The following RAET1E variants were observed in gnomAD, a reference collection of about 807,000 sequenced individuals.
RAET1E encodes the protein NKG2D ligand 4.
RAET1E carries 27 observed loss-of-function variants against 21.1 expected under a neutral mutation model. The ratio of observed to expected loss-of-function variants is 1.28; its 90% confidence interval spans 0.94 to 1.76. RAET1E has a LOEUF of 1.76. Among genes scored for constraint, RAET1E ranks in the 40% most tolerant of loss-of-function variants. RAET1E has a pLI of 0.00. For missense variants in RAET1E, 310 were observed against 311.3 expected (o/e 1.00, Z 0.03); for synonymous variants, 113 against 115.0 (o/e 0.98, Z 0.11).
chr6:149,893,268 T>A (rs1400957505), intron 2 of RAET1E, among the ~76,000 whole-genome samples: 1 of 152,230 alleles, frequency 6.6e-6, no homozygotes, highest in African/African-American at 2.4e-5. Flanking sequence ...GGGGATAGCA[T>A]TGAATCTATA....
chr6:149,885,261 TG>T lies in RAET1E; in HGVS notation c.*3236del, dbSNP rs60644658. Among the ~76,000 whole-genome samples the T allele has an allele frequency of 0.44, 66,802 of 151,296 alleles. 15,359 individuals carry two copies. The highest frequency in any genetic ancestry group is 0.88 in the East Asian group (4,489 of 5,086). On this transcript the variant is annotated 3_prime_UTR_variant, in exon 6 of 6. Coordinates refer to ENST00000357183, the MANE Select transcript of RAET1E (RefSeq NM_001394057.1). ...TTAAAGCCCGACTTTGCCAAACCGC[TG>T]TGGATGCATTAATTTGGAAAGGTCC...
chr6:149,886,936 C>A lies in RAET1E; in HGVS notation c.*1562G>T, dbSNP rs60731777. On this transcript the variant is annotated 3_prime_UTR_variant, in exon 6 of 6. Transcript: ENST00000357183. ...CTTCCCCGTGACAGAGAAATCCATGCGACACAGTGGGGAGGCCCTCCCCAA... is the reference window on the plus strand; with the variant it reads ...CTTCCCCGTGACAGAGAAATCCATGAGACACAGTGGGGAGGCCCTCCCCAA... 0.02 allele frequency among the ~76,000 whole-genome samples: 3,017 copies of A among 152,274 alleles called. 121 individuals are homozygous for A. The highest frequency in any genetic ancestry group is 0.07 in the African/African-American group (2,900 of 41,528).
At chr6:149,897,743 T>G (rs1241246081) in intron 1 of RAET1E, among the ~76,000 whole-genome samples, 1 of 151,898 alleles carries the variant, frequency 6.6e-6, no homozygotes, top group Non-Finnish European at 1.5e-5. Context: ...TCCCCCAAAT[T>G]GGAGAGAGGG....
At position 149,888,626 on chromosome 6, in the gene RAET1E, TAGA is replaced by T. The variant is rs1428326561; in HGVS notation, c.661_663del (p.Ser222del). ...AGGATGATCCATCTATCTGGTAGACTAGAAGAAGACCAGTGGATATCTGAAGCA... is the reference window on the plus strand; with the variant it reads ...AGGATGATCCATCTATCTGGTAGACTAGAAGACCAGTGGATATCTGAAGCA... On this transcript the variant is annotated inframe_deletion, in exon 6 of 6. Transcript: ENST00000357183. 3.1e-6 allele frequency: 5 copies of T among 1,588,986 alleles called. No homozygotes were observed. The South Asian group carries it at 4.4e-5, about 14-fold the overall frequency.
chr6:149,895,659 A>G (rs1778088097), intron 2 of RAET1E, 187 bp downstream of exon 2: 1 of 152,202 alleles, frequency 6.6e-6, no homozygotes, highest in South Asian at 2.1e-4. Flanking sequence ...TTTTCTTAGA[A>G]CAAAATTTTG....
rs2115477672 is a variant in RAET1E at position 149,884,593 on chromosome 6, C to A, written c.*3905G>T. Reference sequence around the variant, plus strand: ...GTGATCTCTCAGGACTCAGATCCCACCTCTCTCTCAGGGAGAGATCAGCCG... The same window carrying A: ...GTGATCTCTCAGGACTCAGATCCCAACTCTCTCTCAGGGAGAGATCAGCCG... On this transcript the variant is annotated 3_prime_UTR_variant, in exon 6 of 6. Transcript: ENST00000357183. 1 of 1,156,008 alleles carries A rather than the reference C, an allele frequency of 8.7e-7. No individual in the cohort carries two copies. The highest frequency in any genetic ancestry group is 1.5e-5 in the African/African-American group (1 of 65,626). 71.6% of individuals were successfully genotyped at this position (1,156,008 alleles called of 1,614,324 possible).
In RAET1E at chr6:149,885,947, C is replaced by T. The variant is rs888069745; in HGVS notation, c.*2551G>A. 1.3e-5 allele frequency among the ~76,000 whole-genome samples: 2 copies of T among 152,140 alleles called. No homozygotes were observed. Among genetic ancestry groups the T allele is most frequent in the African/African-American group, 4.8e-5 (2 of 41,422 alleles). On this transcript the variant is annotated 3_prime_UTR_variant, in exon 6 of 6. Coordinates refer to ENST00000357183, the MANE Select transcript of RAET1E (RefSeq NM_001394057.1). ...TTCTGTGGTCAGAGTTTCTGAGCTA[C>T]GAGTGGGGGTAGTTAATTCTATCCA...
intron 2 of RAET1E, among the ~76,000 whole-genome samples, chr6:149,891,359 C>T (rs1170877120): frequency 6.6e-6 from 1 of 152,154 alleles, no homozygotes; most frequent in African/African-American, 2.4e-5. Context: ...CCCTCTCCCA[C>T]TGTCCCTAAC....
rs1554262574 is a variant in RAET1E, at chr6:149,883,700, A to AAACAAACAAACAAACAAAC, written c.*4797_*4798insGTTTGTTTGTTTGTTTGTT. On this transcript the variant is annotated 3_prime_UTR_variant, in exon 6 of 6. Transcript: ENST00000357183. ...AGATAGAGTGAGACTCTGTCTCAAA[A>AAACAAACAAACAAACAAAC]AAACAAACAAACAAACAAAGAATTA... 3.2e-5 allele frequency: 5 copies of AAACAAACAAACAAACAAAC among 156,298 alleles called. No homozygotes were observed. Among genetic ancestry groups the AAACAAACAAACAAACAAAC allele is most frequent in the African/African-American group, 1.2e-4 (5 of 41,608 alleles). 9.7% of individuals were successfully genotyped at this position (156,298 alleles called of 1,614,324 possible).
chr6:149,884,597 T>C lies in RAET1E; in HGVS notation c.*3901A>G, dbSNP rs1465738156. The C allele has an allele frequency of 9.1e-7, 1 of 1,099,602 alleles. No individual in the cohort carries two copies. The highest frequency in any genetic ancestry group is 1.6e-5 in the African/African-American group (1 of 64,484). The allele number at this position is 1,099,602 out of a possible 1,614,324, so 68.1% of individuals were successfully genotyped here. A position where few individuals can be genotyped will look rare whatever the true frequency, so the allele number is the denominator to read the frequency against. ...TCTCTCAGGACTCAGATCCCACCTC[T>C]CTCTCAGGGAGAGATCAGCCGCTAT... On this transcript the variant is annotated 3_prime_UTR_variant, in exon 6 of 6. Coordinates refer to ENST00000357183, the MANE Select transcript of RAET1E (RefSeq NM_001394057.1).
chr6:149,895,516 C>G (rs901637652), intron 2 of RAET1E: 2 of 152,240 alleles, frequency 1.3e-5, no homozygotes, highest in African/African-American at 4.8e-5. Flanking sequence ...CCTCAAGCCT[C>G]AGCAACGGCA....
chr6:149,890,202 T>C, intron 3 of RAET1E, 57 bp from the exon 4 acceptor site: 2 of 1,589,054 alleles, frequency 1.3e-6, no homozygotes, highest in Non-Finnish European at 1.7e-6. Flanking sequence ...CATTAGAACC[T>C]GCGCTTCTGT....
intron 2 of RAET1E, among the ~76,000 whole-genome samples, chr6:149,895,114 T>C (rs1562469577): frequency 6.6e-6 from 1 of 152,250 alleles, no homozygotes; most frequent in Non-Finnish European, 1.5e-5. Context: ...GATTGCTGCC[T>C]GTTCCTTCCT....
At position 149,888,548 on chromosome 6, in the gene RAET1E, A is replaced by C. The variant is rs775190999; in HGVS notation, c.742T>G (p.Trp248Gly). 5.0e-6 allele frequency: 8 copies of C among 1,613,828 alleles called. No homozygotes were observed. In the East Asian group the frequency reaches 1.8e-4, roughly 36 times the overall value. The change falls in exon 6 of 6, where the codon TGG (tryptophan) becomes GGG (glycine). Residue 248 changes from tryptophan (W) to glycine (G), a missense_variant. Transcript: ENST00000357183. ...CCAGCCTGCCACTCACCATTTTGCC[A>C]CCAGACACAGATGAGAACAATTCCC... ...LMGIVLICVW[W>G]QNGEWQAGLW...
intron 1 of RAET1E, among the ~76,000 whole-genome samples, chr6:149,896,731 G>A (rs557012461): frequency 3.3e-5 from 5 of 152,040 alleles, no homozygotes. Flanking sequence ...TCCTTAGCAG[G>A]GCCAATATTT....
intron 1 of RAET1E, among the ~76,000 whole-genome samples, chr6:149,896,418 C>A (rs915974418): frequency 1.3e-5 from 2 of 152,154 alleles, no homozygotes; most frequent in Admixed American, 6.5e-5. Context: ...TACATGTCCC[C>A]TATGTGGTTC....
At chr6:149,893,962 T>A (rs1468023526) in intron 2 of RAET1E, among the ~76,000 whole-genome samples, 4 of 152,214 alleles carry the variant, frequency 2.6e-5, no homozygotes, top group Non-Finnish European at 5.9e-5. Context: ...GAGATAATCA[T>A]GTGGTTTTTG....
chr6:149,890,057 T>C lies in RAET1E; in HGVS notation c.174A>G (p.Lys58=). 1 of 1,614,154 alleles carries C rather than the reference T, an allele frequency of 6.2e-7. No individual in the cohort carries two copies. The highest frequency in any genetic ancestry group is 8.5e-7 in the Non-Finnish European group (1 of 1,180,028). Residue 58 remains lysine, a synonymous_variant, in exon 4 of 6, where the codon AAA becomes AAG. Transcript: ENST00000357183. ...PWCEAQVFLN[K]NLFLQYNSDN... ...CACTGTTGTACTGAAGGAAAAGATT[T>C]TTATTCAAGAAGACCTGCGCTTCAC...
chr6:149,888,059 C>G lies in RAET1E; in HGVS notation c.*439G>C. 1 of 404,030 alleles carries G rather than the reference C, an allele frequency of 2.5e-6. No homozygotes were observed. Among genetic ancestry groups the G allele is most frequent in the African/African-American group, 2.1e-5 (1 of 48,108 alleles). The allele number at this position is 404,030 out of a possible 1,614,324, so 25.0% of individuals were successfully genotyped here. On this transcript the variant is annotated 3_prime_UTR_variant, in exon 6 of 6. Coordinates refer to ENST00000357183, the MANE Select transcript of RAET1E (RefSeq NM_001394057.1). ...TCTACTAAAAATGTAGGATGTAGTTCGGCACTGTAATGTTTAGAGGGTGGT... is the reference window on the plus strand; with the variant it reads ...TCTACTAAAAATGTAGGATGTAGTTGGGCACTGTAATGTTTAGAGGGTGGT...
Sources: gnomAD v4.1 joint callset for allele counts (sites outside exome capture counted in the v4.1 genomes callset) on GRCh38, gnomAD v4.1.1 for gene constraint, MANE v1.5 for transcripts, NCBI Gene and HGNC (gene_info 2026-07-23, HGNC 2026-07-21) for gene names.